Variants in PRKD3 observed in about 807,000 individuals in gnomAD.
The protein encoded by PRKD3 is protein kinase D3.
PRKD3 carries 47 observed loss-of-function variants against 99.2 expected under a neutral mutation model. The ratio of observed to expected loss-of-function variants is 0.47; its 90% confidence interval spans 0.38 to 0.60. PRKD3 has a LOEUF of 0.60. Among genes scored for constraint, PRKD3 ranks in the 20% least tolerant of loss-of-function variants. PRKD3 has a pLI of 0.00. For missense variants in PRKD3, 1,019 were observed against 1,088.4 expected (o/e 0.94, Z 0.90); for synonymous variants, 392 against 355.4 (o/e 1.10, Z -1.16).
intron 2 of PRKD3, among the ~76,000 whole-genome samples, chr2:37,312,576 G>C (rs561583092): frequency 6.6e-6 from 1 of 151,888 alleles, no homozygotes; most frequent in African/African-American, 2.4e-5. Context: ...TTCATCTTTT[G>C]TTAGTGACTC....
chr2:37,294,393 G>T (rs1008398525), intron 2 of PRKD3, among the ~76,000 whole-genome samples: 2 of 151,962 alleles, frequency 1.3e-5, no homozygotes, highest in African/African-American at 4.8e-5. Context: ...ACCACAACTG[G>T]CCTCTCAAAT....
chr2:37,316,438 A>G lies in PRKD3; in HGVS notation c.87T>C (p.Cys29=). 6.2e-7 allele frequency: 1 copy of G among 1,614,256 alleles called. No homozygotes were observed. The highest frequency in any genetic ancestry group is 8.5e-7 in the Non-Finnish European group (1 of 1,180,042). The change falls in exon 2 of 19, where the codon TGT becomes TGC. Residue 29 remains cysteine, a synonymous_variant. Transcript: ENST00000234179. ...CAGAGAGTCCCGTCTTAGGACTTGA[A>G]CACGGAGAAGCAGCTGGAAGCACAG... The part of the protein sequence containing the change: ...IPAVLPAASP[C]SSPKTGLSAR...
chr2:37,268,889 G>T (rs1669026103), intron 13 of PRKD3: 1 of 153,102 alleles, frequency 6.5e-6, no homozygotes, highest in African/African-American at 2.4e-5. Context: ...ACCACTTAAG[G>T]GTTCTATGTG....
chr2:37,316,775 G>A lies in PRKD3; in HGVS notation c.-251C>T. On this transcript the variant is annotated 5_prime_UTR_variant, in exon 2 of 19. Transcript: ENST00000234179. ...TCTTGTCTGTAGGAAGACAACCAGG[G>A]ATTTGTAAAGGATTTAACATCACTG... 1 of 1,328,242 alleles carries A rather than the reference G, an allele frequency of 7.5e-7. No homozygotes were observed. Among genetic ancestry groups the A allele is most frequent in the South Asian group, 1.8e-5 (1 of 55,424 alleles). The allele number at this position is 1,328,242 out of a possible 1,614,324, so 82.3% of individuals were successfully genotyped here.
intron 2 of PRKD3, among the ~76,000 whole-genome samples, chr2:37,301,631 A>T (rs1225727770): frequency 6.6e-6 from 1 of 152,144 alleles, no homozygotes; most frequent in East Asian, 1.9e-4. Flanking sequence ...CTATGCTCAC[A>T]GAGTCAAAAG....
chr2:37,323,967 G>T (rs1671993677), intron 1 of PRKD3, among the ~76,000 whole-genome samples: 1 of 151,548 alleles, frequency 6.6e-6, no homozygotes. Context: ...CCTGCAGACG[G>T]CAAGGCCTAT....
Position 37,255,392 on chromosome 2 carries a change from A to C in PRKD3, c.2414-1103T>G, listed in dbSNP as rs1245145989. On this transcript the variant is annotated intron_variant, in intron 17 of 18. Transcript: ENST00000234179. ...CCCAGCACTGGTTCTATTAACTTCTATGGGGCAGTTAAATAATGTTTTAAG... is the reference window on the plus strand; with the variant it reads ...CCCAGCACTGGTTCTATTAACTTCTCTGGGGCAGTTAAATAATGTTTTAAG... Among the ~76,000 whole-genome samples, 3 of 152,166 alleles carry C rather than the reference A, an allele frequency of 2.0e-5. No homozygotes were observed. In the South Asian group the frequency reaches 6.2e-4, roughly 31 times the overall value.
At chr2:37,306,498 T>C (rs1179946143) in intron 2 of PRKD3, among the ~76,000 whole-genome samples, 2 of 152,116 alleles carry the variant, frequency 1.3e-5, no homozygotes, top group Non-Finnish European at 2.9e-5. Context: ...ATACTCACAA[T>C]AAAAACTGTG....
chr2:37,321,081 C>G (rs969992471), intron 1 of PRKD3, among the ~76,000 whole-genome samples: 3 of 152,158 alleles, frequency 2.0e-5, no homozygotes, highest in African/African-American at 7.2e-5. Flanking sequence ...CCTTGATATG[C>G]TGCTTAATTT....
chr2:37,307,864 A>T (rs1034030214), intron 2 of PRKD3, among the ~76,000 whole-genome samples: 2 of 152,190 alleles, frequency 1.3e-5, no homozygotes, highest in Non-Finnish European at 2.9e-5. Flanking sequence ...TCTGTTAGAG[A>T]TATTTTCTTG....
At chr2:37,267,020 G>A (rs1401734951) in intron 14 of PRKD3, among the ~76,000 whole-genome samples, 1 of 151,986 alleles carries the variant, frequency 6.6e-6, no homozygotes, top group African/African-American at 2.4e-5. Context: ...CGCCCCAATC[G>A]ACTAAGCCAT....
chr2:37,255,377 G>A (rs1667852781), intron 17 of PRKD3, among the ~76,000 whole-genome samples: 1 of 152,174 alleles, frequency 6.6e-6, no homozygotes, highest in African/African-American at 2.4e-5. Flanking sequence ...CCCAGCACTG[G>A]TTCTATTAAC....
chr2:37,279,786 G>T lies in PRKD3; in HGVS notation c.1132C>A (p.Leu378Ile). 6.2e-7 allele frequency: 1 copy of T among 1,613,708 alleles called. No homozygotes were observed. Among genetic ancestry groups the T allele is most frequent in the Non-Finnish European group, 8.5e-7 (1 of 1,179,908 alleles). ...DKMFFLDPSD[L>I]DVERDEEAVK... The stretch of plus-strand genomic sequence containing the variant: ...GCTTCTTCATCTCTTTCCACATCGA[G>T]ATCAGATGGATCCAAGAAGAACATC... Residue 378 changes from leucine (L) to isoleucine (I), a missense_variant, in exon 8 of 19, where the codon CTC (leucine) becomes ATC (isoleucine). This residue lies in a region of PRKD3 where 710 missense variants were observed against 692.7 expected (regional missense o/e 1.02). Transcript: ENST00000234179.
At chr2:37,311,006 G>C (rs759627820) in intron 2 of PRKD3, among the ~76,000 whole-genome samples, 3 of 152,098 alleles carry the variant, frequency 2.0e-5, no homozygotes, top group Non-Finnish European at 4.4e-5. Flanking sequence ...ATAAAATTTA[G>C]AGCACCACTA....
At chr2:37,296,560 G>A (rs887957829) in intron 2 of PRKD3, among the ~76,000 whole-genome samples, 8 of 151,894 alleles carry the variant, frequency 5.3e-5, no homozygotes, top group South Asian at 4.1e-4. Context: ...TCTGCTATTC[G>A]TGATTATGAT....
rs1324262284 is a variant in PRKD3, at chr2:37,253,329, G to C, written c.2521C>G (p.Leu841Val). 2 of 1,612,108 alleles carry C rather than the reference G, an allele frequency of 1.2e-6. No homozygotes were observed. Among genetic ancestry groups the C allele is most frequent in the Non-Finnish European group, 1.7e-6 (2 of 1,178,870 alleles). Residue 841 changes from leucine (L) to valine (V), a missense_variant, in exon 19 of 19, where the codon CTT (leucine) becomes GTT (valine). Physicochemically the swap from Leu to Val is conservative, Grantham distance 32. Around this residue, in one of 3 missense-constraint regions of PRKD3, gnomAD observed 125 missense variants for 120.6 expected, o/e 1.04. Transcript: ENST00000234179. ...WLQDYQTWLD[L>V]REFETRIGER... ...CCAATGCGAGTTTCAAATTCTCTAA[G>C]GTCAAGCCAAGTCTGATAGTCCTAG...
intron 2 of PRKD3, among the ~76,000 whole-genome samples, chr2:37,306,506 G>C (rs1260449074): frequency 6.6e-6 from 1 of 152,086 alleles, no homozygotes; most frequent in Non-Finnish European, 1.5e-5. Flanking sequence ...AATAAAAACT[G>C]TGCACTGTTA....
rs530301097 is a variant in PRKD3 at position 37,316,946 on chromosome 2, CAGTA to C, written c.-426_-423del. On this transcript the variant is annotated 5_prime_UTR_variant, in exon 2 of 19. Transcript: ENST00000234179. ...GGTGAAATCCTCTTCGTTTAAAAAA[CAGTA>C]AGTGTTTTGGATTAATCTATTCAGT... 2.7e-4 allele frequency: 270 copies of C among 999,486 alleles called. 1 individual carries two copies. In the African/African-American group the frequency reaches 4.4e-3, roughly 16 times the overall value. 61.9% of individuals were successfully genotyped at this position (999,486 alleles called of 1,614,324 possible).
intron 1 of PRKD3, among the ~76,000 whole-genome samples, chr2:37,322,807 A>C (rs1671941799): frequency 6.6e-6 from 1 of 152,226 alleles, no homozygotes; most frequent in African/African-American, 2.4e-5. Context: ...ATAATCAGCG[A>C]GACTCAAAGT....
Sources: gnomAD v4.1 joint callset for allele counts (sites outside exome capture counted in the v4.1 genomes callset) on GRCh38, gnomAD v4.1.1 for gene constraint, gnomAD v4.1.1 regional missense constraint, MANE v1.5 for transcripts, NCBI Gene and HGNC (gene_info 2026-07-23, HGNC 2026-07-21) for gene names.